The following APOBEC3G variants were observed in gnomAD, a reference collection of about 807,000 sequenced individuals.
The protein encoded by APOBEC3G is apolipoprotein B mRNA editing enzyme catalytic subunit 3G, also known as DNA dC->dU-editing enzyme APOBEC-3G.
In APOBEC3G, 44 loss-of-function variants were observed where a neutral mutation model predicts 50.0. The ratio of observed to expected loss-of-function variants is 0.88; its 90% CI spans 0.69 to 1.13. The LOEUF is 1.13. APOBEC3G is among the 50% of genes most tolerant of loss of function. APOBEC3G has a pLI of 0.00. For missense variants in APOBEC3G, 469 were observed against 492.0 expected, an observed-to-expected ratio of 0.95 and a Z score of 0.44; for synonymous variants, 156 against 175.3, an observed-to-expected ratio of 0.89 and a Z score of 0.87.
chr22:39,087,571 T>A lies in APOBEC3G; in HGVS notation c.*150T>A. 3.4e-6 allele frequency: 5 copies of A among 1,451,256 alleles called. No individual in the cohort carries two copies. The highest frequency in any genetic ancestry group is 4.7e-6 in the Non-Finnish European group (5 of 1,065,098). 89.9% of individuals were successfully genotyped at this position (1,451,256 alleles called of 1,614,324 possible). A position where few individuals can be genotyped will look rare whatever the true frequency, so the allele number is the denominator to read the frequency against. On this transcript the variant is annotated 3_prime_UTR_variant, in exon 8 of 8. Coordinates refer to ENST00000407997, the MANE Select transcript of APOBEC3G (RefSeq NM_021822.4). ...AGCAATGCACTCCTGACCAAGTAGA[T>A]TCTTTTAAAAATTAGAGTGCATTAC... is the stretch of plus-strand genomic sequence containing the variant.
chr22:39,078,946 G>T lies in APOBEC3G; in HGVS notation c.32G>T (p.Arg11Leu), dbSNP rs374338249. 1.1e-5 allele frequency: 18 copies of T among 1,613,980 alleles called. No homozygotes were observed. The highest frequency in any genetic ancestry group is 3.3e-5 in the Admixed American group (2 of 60,002). ...TGTGTCTTCAGAAACACAGTGGAGCGAATGTATCGAGACACATTCTCCTAC... is the reference window on the plus strand; with the variant it reads ...TGTGTCTTCAGAAACACAGTGGAGCTAATGTATCGAGACACATTCTCCTAC... MKPHFRNTVE[R>L]MYRDTFSYNF... The change falls in exon 2 of 8, where the codon CGA (arginine) becomes CTA (leucine). Residue 11 changes from arginine to leucine, a missense_variant. Arg to Leu is a moderately radical substitution (Grantham distance 102, BLOSUM62 -2). Transcript: ENST00000407997.
chr22:39,086,591 G>A, intron 6 of APOBEC3G, 24 bp downstream of exon 6: 2 of 1,571,550 alleles, frequency 1.3e-6, no homozygotes, highest in Non-Finnish European at 1.7e-6. Flanking sequence ...CCTGGAGTAG[G>A]ATGGGGTCAG....
In APOBEC3G at chr22:39,081,565, C is replaced by T. The variant is rs756867569; in HGVS notation, c.561C>T (p.Ile187=). 1.9e-6 allele frequency: 3 copies of T among 1,613,830 alleles called. No individual in the cohort carries two copies. The highest frequency in any genetic ancestry group is 1.1e-5 in the South Asian group (1 of 91,078). ...NLPKYYILLH[I]MLGEILRHSM... ...CTAAATATTATATATTACTGCACATCATGCTGGGGGAGATTCTCAGGTGAG... is the reference window on the plus strand; with the variant it reads ...CTAAATATTATATATTACTGCACATTATGCTGGGGGAGATTCTCAGGTGAG... Residue 187 remains isoleucine, a synonymous_variant, in exon 4 of 8, where the codon ATC becomes ATT. Transcript: ENST00000407997.
rs374338249 is a variant in APOBEC3G at position 39,078,946 on chromosome 22, G to A, written c.32G>A (p.Arg11Gln). The A allele has an allele frequency of 1.9e-5, 31 of 1,613,862 alleles. No individual in the cohort carries two copies. The highest frequency in any genetic ancestry group is 4.0e-5 in the African/African-American group (3 of 74,916). Residue 11 changes from arginine to glutamine, a missense_variant, in exon 2 of 8, where the codon CGA becomes CAA. By Grantham distance (43) the Arg-to-Gln change is conservative. Coordinates refer to ENST00000407997, the MANE Select transcript of APOBEC3G (RefSeq NM_021822.4). The part of the protein sequence containing the change: MKPHFRNTVE[R>Q]MYRDTFSYNF... ...TGTGTCTTCAGAAACACAGTGGAGC[G>A]AATGTATCGAGACACATTCTCCTAC...
chr22:39,086,495 C>A lies in APOBEC3G; in HGVS notation c.952C>A (p.Gln318Lys), dbSNP rs910552728. 3 of 1,614,058 alleles carry A rather than the reference C, an allele frequency of 1.9e-6. No individual in the cohort carries two copies. The African/African-American group carries it at 4.0e-5, about 22-fold the overall frequency. Reference sequence around the variant, plus strand: ...CTTCACTGCCCGCATCTATGATGATCAAGGAAGATGTCAGGAGGGGCTGCG... The same window carrying A: ...CTTCACTGCCCGCATCTATGATGATAAAGGAAGATGTCAGGAGGGGCTGCG... ...CIFTARIYDDQGRCQEGLRTL... is the reference protein window; with the variant it reads ...CIFTARIYDDKGRCQEGLRTL... Residue 318 changes from glutamine (Q) to lysine (K), a missense_variant, in exon 6 of 8, where the codon CAA becomes AAA. By Grantham distance (53) the Gln-to-Lys change is moderately conservative (BLOSUM62 1). Transcript: ENST00000407997.
intron 5 of APOBEC3G, among the ~76,000 whole-genome samples, chr22:39,085,018 C>G (rs575960036): frequency 1.0e-3 from 159 of 152,356 alleles, no homozygotes; most frequent in African/African-American, 3.4e-3. Context: ...GTCCCCATCA[C>G]TGTCTAACCA....
At chr22:39,083,657 G>T (rs1928569994) in intron 4 of APOBEC3G, 74 bp from the exon 5 acceptor site, 1 of 1,533,938 alleles carries the variant, frequency 6.5e-7, no homozygotes, top group Non-Finnish European at 8.9e-7. Context: ...AAGGGAGGAA[G>T]CGTGGAGAGG....
At chr22:39,077,196 C>G (rs1201781302), upstream of APOBEC3G, 2 of 1,148,984 alleles carry the variant, frequency 1.7e-6, no homozygotes, top group Non-Finnish European at 2.5e-6. Context: ...ATAAAGCGTC[C>G]CAGGGCCTCC....
At position 39,080,855 on chromosome 22, in the gene APOBEC3G, C is replaced by T. The variant is rs1475465093; in HGVS notation, c.172-78C>T. ...AGATCTCCTGGACTCCTGTCCTGGC[C>T]CCTCCTCCCCCTGCCCCACCCCTGC... On this transcript the variant is annotated intron_variant, in intron 2 of 7. Transcript: ENST00000407997. The T allele has an allele frequency of 1.4e-5, 17 of 1,221,274 alleles. 2 individuals carry two copies. Among genetic ancestry groups the T allele is most frequent in the Non-Finnish European group, 1.8e-5 (16 of 874,384 alleles). The allele number at this position is 1,221,274 out of a possible 1,614,324, so 75.7% of individuals were successfully genotyped here.
intron 4 of APOBEC3G, chr22:39,081,788 C>T (rs1928473918): frequency 1.9e-6 from 1 of 539,254 alleles, no homozygotes. Context: ...ACCTGCTTTC[C>T]TGGGCCCTTC....
chr22:39,079,981 T>C (rs1268339841), intron 2 of APOBEC3G: 3 of 155,342 alleles, frequency 1.9e-5, no homozygotes, highest in Admixed American at 6.6e-5. Context: ...GAGGCAGAGG[T>C]TGTAGTGAGC....
intron 7 of APOBEC3G, 67 bp from the exon 8 acceptor site, chr22:39,087,340 G>C: frequency 6.2e-7 from 1 of 1,610,710 alleles, no homozygotes. Context: ...CTGTCCCCAG[G>C]CCTCCACCAT....
chr22:39,081,661 C>A, intron 4 of APOBEC3G, 76 bp downstream of exon 4: 1 of 1,233,662 alleles, frequency 8.1e-7, no homozygotes, highest in Non-Finnish European at 1.2e-6. Context: ...CCCCTCTGTT[C>A]CAGACCAGGT....
chr22:39,083,520 G>A (rs1569085175), intron 4 of APOBEC3G, among the ~76,000 whole-genome samples: 2 of 152,210 alleles, frequency 1.3e-5, no homozygotes, highest in Admixed American at 1.3e-4. Flanking sequence ...GGGCTGCCGT[G>A]ATCTCCCAGT....
chr22:39,081,358 G>T, intron 3 of APOBEC3G, 113 bp from the exon 4 acceptor site: 1 of 1,534,426 alleles, frequency 6.5e-7, no homozygotes, highest in Non-Finnish European at 8.8e-7. Flanking sequence ...CTGTGGGGTT[G>T]GGTCTGGCGC....
In APOBEC3G at chr22:39,086,318, G is replaced by A; in HGVS notation, c.775G>A (p.Glu259Lys). ...CGGTTTCCTTGAAGGCCGCCATGCAGAGCTGTGCTTCCTGGACGTGATTCC... is the reference window on the plus strand; with the variant it reads ...CGGTTTCCTTGAAGGCCGCCATGCAAAGCTGTGCTTCCTGGACGTGATTCC... ...KHGFLEGRHAELCFLDVIPFW... is the reference protein window; with the variant it reads ...KHGFLEGRHAKLCFLDVIPFW... Residue 259 changes from glutamate (E) to lysine (K), a missense_variant, in exon 6 of 8, where the codon GAG becomes AAG. Physicochemically the swap from Glu to Lys is moderately conservative, Grantham distance 56. Coordinates refer to ENST00000407997, the MANE Select transcript of APOBEC3G (RefSeq NM_021822.4). 1 of 1,611,488 alleles carries A rather than the reference G, an allele frequency of 6.2e-7. No homozygotes were observed. Among genetic ancestry groups the A allele is most frequent in the Non-Finnish European group, 8.5e-7 (1 of 1,177,980 alleles).
intron 4 of APOBEC3G, chr22:39,081,918 G>A (rs1441007781): frequency 3.9e-6 from 1 of 254,132 alleles, no homozygotes; most frequent in East Asian, 9.2e-5. Flanking sequence ...AAAACTGGAC[G>A]TAGTAAGTGG....
chr22:39,086,980 A>C, intron 6 of APOBEC3G, 31 bp from the exon 7 acceptor site: 1 of 1,573,918 alleles, frequency 6.4e-7, no homozygotes, highest in Non-Finnish European at 8.7e-7. Context: ...CCACAGCGGG[A>C]GTGTGACTTA....
intron 2 of APOBEC3G, chr22:39,079,442 C>G (rs866803634): frequency 5.3e-6 from 1 of 189,192 alleles, no homozygotes; most frequent in Non-Finnish European, 1.1e-5. Flanking sequence ...CTCAGACTCG[C>G]AAGTAGCTGC....
Sources: gnomAD v4.1 joint callset for allele counts (sites outside exome capture counted in the v4.1 genomes callset) on GRCh38, gnomAD v4.1.1 for gene constraint, MANE v1.5 for transcripts, NCBI Gene and HGNC (gene_info 2026-07-23, HGNC 2026-07-21) for gene names.